The following RBP2 variants were observed in gnomAD, a reference collection of about 807,000 sequenced individuals.
RBP2 encodes the protein retinol binding protein 2.
A neutral mutation model predicts 17.0 loss-of-function variants in RBP2; 17 were observed. The ratio of observed to expected loss-of-function variants is 1.00; its 90% CI spans 0.68 to 1.50. RBP2 has a LOEUF of 1.50. RBP2 is among the 40% of genes most tolerant of loss of function. The pLI is 0.00. For synonymous variants in RBP2, 48 were observed against 57.1 expected (o/e 0.84, Z 0.72); for missense variants, 158 against 168.2 (o/e 0.94, Z 0.33).
Position 139,453,106 on chromosome 3 carries a change from C to T in RBP2, c.*10G>A. 6.2e-7 allele frequency: 1 copy of T among 1,614,170 alleles called. No homozygotes were observed. The highest frequency in any genetic ancestry group is 1.6e-4 in the Middle Eastern group (1 of 6,062). On this transcript the variant is annotated 3_prime_UTR_variant, in exon 4 of 4. Coordinates refer to ENST00000232217, the MANE Select transcript of RBP2 (RefSeq NM_004164.3). ...GGGAGCTTGTGCTTGGCAGGCCTCC[C>T]ACGTCGCCATCATTTCTTTTTGAAC...
intron 2 of RBP2, among the ~76,000 whole-genome samples, chr3:139,461,709 C>G (rs1933196791): frequency 6.6e-6 from 1 of 152,188 alleles, no homozygotes; most frequent in Non-Finnish European, 1.5e-5. Context: ...TAAAAAAAAT[C>G]TGGCATCTTC....
At chr3:139,473,740 CT>C (rs1355647498) in intron 1 of RBP2, among the ~76,000 whole-genome samples, 2 of 152,196 alleles carry the variant, frequency 1.3e-5, no homozygotes, top group Admixed American at 1.3e-4. Context: ...GCTGAGCCCC[CT>C]GAGACCTGTC....
At chr3:139,469,687 G>GTCTGTCTGTCTATCTGTCTA (rs1432677359) in intron 1 of RBP2, among the ~76,000 whole-genome samples, 56 of 132,978 alleles carry the variant, frequency 4.2e-4, no homozygotes, top group Non-Finnish European at 6.4e-4. Context: ...CTGTCTGTCT[G>GTCTGTCTGTCTATCTGTCTA]TCTATCTATC....
intron 1 of RBP2, among the ~76,000 whole-genome samples, chr3:139,462,727 A>G (rs1933235359): frequency 6.6e-6 from 1 of 152,210 alleles, no homozygotes; most frequent in Admixed American, 6.5e-5. Context: ...TAAAGATGAA[A>G]CTTAGGAAAC....
chr3:139,458,352 G>T (rs1933052397), intron 2 of RBP2, among the ~76,000 whole-genome samples: 2 of 152,074 alleles, frequency 1.3e-5, no homozygotes, highest in African/African-American at 4.8e-5. Flanking sequence ...CTCTTCTGGG[G>T]GCTCCCATCT....
chr3:139,473,847 A>C (rs1288886165), intron 1 of RBP2, among the ~76,000 whole-genome samples: 1 of 152,170 alleles, frequency 6.6e-6, no homozygotes, highest in Non-Finnish European at 1.5e-5. Flanking sequence ...ACTCTGGGTG[A>C]GGCATTTCTG....
chr3:139,459,003 G>A (rs543193769), intron 2 of RBP2, among the ~76,000 whole-genome samples: 1 of 152,258 alleles, frequency 6.6e-6, no homozygotes, highest in Admixed American at 6.5e-5. Context: ...TTGACTCTGT[G>A]ATCAATGTGG....
chr3:139,469,117 C>T (rs752622570), intron 1 of RBP2, among the ~76,000 whole-genome samples: 17 of 152,166 alleles, frequency 1.1e-4, no homozygotes, highest in Non-Finnish European at 1.9e-4. Flanking sequence ...AAGTATTCAT[C>T]ATATGAAATC....
Position 139,459,796 on chromosome 3 carries a change from C to T in RBP2, c.252+2316G>A, listed in dbSNP as rs115199904. On this transcript the variant is annotated intron_variant, in intron 2 of 3. Transcript: ENST00000232217. ...CATTGTTGGAGGCTGGGCAAACTGTCCTGGGTACTTCTCACTCCCTACTAA... is the reference window on the plus strand; with the variant it reads ...CATTGTTGGAGGCTGGGCAAACTGTTCTGGGTACTTCTCACTCCCTACTAA... Among the ~76,000 whole-genome samples, 1,179 of 150,574 alleles carry T rather than the reference C, an allele frequency of 7.8e-3. 17 individuals are homozygous for T. Among genetic ancestry groups the T allele is most frequent in the African/African-American group, 0.026 (1,050 of 40,876 alleles).
intron 2 of RBP2, among the ~76,000 whole-genome samples, chr3:139,456,325 T>A (rs897662079): frequency 6.6e-5 from 10 of 152,250 alleles, no homozygotes; most frequent in African/African-American, 2.4e-4. Flanking sequence ...TTCTACAGAT[T>A]GTTAAATCTA....
chr3:139,467,245 C>T (rs770506432), intron 1 of RBP2, among the ~76,000 whole-genome samples: 1 of 152,204 alleles, frequency 6.6e-6, no homozygotes, highest in Non-Finnish European at 1.5e-5. Context: ...GCATTAGCAC[C>T]TGGGAACGTG....
At chr3:139,468,037 G>C (rs1404649196) in intron 1 of RBP2, among the ~76,000 whole-genome samples, 1 of 152,172 alleles carries the variant, frequency 6.6e-6, no homozygotes, top group Non-Finnish European at 1.5e-5. Context: ...ATAGTTAGGA[G>C]ATGAGAAAAG....
chr3:139,471,496 G>A (rs1285988504), intron 1 of RBP2, among the ~76,000 whole-genome samples: 3 of 152,190 alleles, frequency 2.0e-5, no homozygotes, highest in Non-Finnish European at 2.9e-5. Flanking sequence ...TTAAGTTTGT[G>A]CATGTCAATT....
At chr3:139,471,750 C>G (rs1424154455) in intron 1 of RBP2, among the ~76,000 whole-genome samples, 2 of 152,204 alleles carry the variant, frequency 1.3e-5, no homozygotes, top group Non-Finnish European at 2.9e-5. Flanking sequence ...CAAATCCAGT[C>G]TATTTCCTGC....
intron 1 of RBP2, among the ~76,000 whole-genome samples, chr3:139,471,318 G>C (rs1007847251): frequency 2.0e-5 from 3 of 152,168 alleles, no homozygotes; most frequent in African/African-American, 7.2e-5. Flanking sequence ...TAGACTGCAG[G>C]CTCTTAAATG....
At position 139,475,297 on chromosome 3, in the gene RBP2, C is replaced by A. The variant is rs1179625635; in HGVS notation, c.73+1090G>T. Among the ~76,000 whole-genome samples the A allele has an allele frequency of 6.2e-5, 8 of 128,356 alleles. No homozygotes were observed. The Admixed American group carries it at 6.6e-4, about 11-fold the overall frequency. 84.2% of individuals were successfully genotyped at this position (128,356 alleles called of 152,430 possible). A position where few individuals can be genotyped will look rare whatever the true frequency, so the allele number is the denominator to read the frequency against. On this transcript the variant is annotated intron_variant, in intron 1 of 3. Coordinates refer to ENST00000232217, the MANE Select transcript of RBP2 (RefSeq NM_004164.3). Reference sequence around the variant, plus strand: ...TCGCGCCACTGCACTCCAGCCTGGGCGACAGAGCGAGACTCTGTCCCCAAA... The same window carrying A: ...TCGCGCCACTGCACTCCAGCCTGGGAGACAGAGCGAGACTCTGTCCCCAAA...
At chr3:139,464,704 G>T (rs1193275721) in intron 1 of RBP2, among the ~76,000 whole-genome samples, 1 of 152,174 alleles carries the variant, frequency 6.6e-6, no homozygotes, top group Admixed American at 6.5e-5. Context: ...GTTGAAAAGA[G>T]AAGTAAGTTC....
rs552240264 is a variant in RBP2 at position 139,460,525 on chromosome 3, AAAT to A, written c.252+1584_252+1586del. ...GCTCTCTTGGCTTTTAATTGTCACC[AAAT>A]AATAATAACAGCTTTTCCTCCCCAC... On this transcript the variant is annotated intron_variant, in intron 2 of 3. Coordinates refer to ENST00000232217, the MANE Select transcript of RBP2 (RefSeq NM_004164.3). Among the ~76,000 whole-genome samples, 114 of 152,332 alleles carry A rather than the reference AAAT, an allele frequency of 7.5e-4. 2 individuals carry two copies. Among genetic ancestry groups the A allele is most frequent in the South Asian group, 6.8e-3 (33 of 4,824 alleles).
At chr3:139,457,693 C>T (rs9882014) in intron 2 of RBP2, among the ~76,000 whole-genome samples, 41,144 of 152,066 alleles carry the variant, frequency 0.27, 7,019 homozygotes, top group East Asian at 0.86. Context: ...ATCCCTGCAT[C>T]AGAAGAGATT....
Sources: gnomAD v4.1 joint callset for allele counts (sites outside exome capture counted in the v4.1 genomes callset) on GRCh38, gnomAD v4.1.1 for gene constraint, MANE v1.5 for transcripts, NCBI Gene and HGNC (gene_info 2026-07-23, HGNC 2026-07-21) for gene names.